Variants in PYGB observed in about 807,000 individuals in gnomAD.
PYGB encodes the protein glycogen phosphorylase, brain form.
In PYGB, 82 loss-of-function variants were observed where a neutral mutation model predicts 94.3. The observed-to-expected ratio is 0.87, with a 90% CI of 0.73 to 1.04. The LOEUF is 1.04. Among genes scored for constraint, PYGB ranks in the 50% least tolerant of loss-of-function variants. The pLI is 0.00. For synonymous variants in PYGB, 488 were observed against 479.1 expected, an observed-to-expected ratio of 1.02 and a Z score of -0.24; for missense variants, 1,132 against 1,158.2, an observed-to-expected ratio of 0.98 and a Z score of 0.33.
chr20:25,294,890 C>T, intron 18 of PYGB: 1 of 1,499,658 alleles, frequency 6.7e-7, no homozygotes, highest in Non-Finnish European at 9.3e-7. Context: ...GGGAATTCAC[C>T]TGCCCTCCAC....
chr20:25,296,299 C>G, intron 19 of PYGB, 71 bp from the exon 20 acceptor site: 4 of 1,572,146 alleles, frequency 2.5e-6, no homozygotes, highest in Non-Finnish European at 3.5e-6. Context: ...TCCTAAAGTT[C>G]TGGAATCCCA....
intron 2 of PYGB, among the ~76,000 whole-genome samples, chr20:25,261,291 G>C (rs1311839045): frequency 6.6e-6 from 1 of 152,220 alleles, no homozygotes; most frequent in Admixed American, 6.5e-5. Context: ...GCTTCCAGAG[G>C]AACGATCAGG....
In PYGB at chr20:25,297,054, G is replaced by A. The variant is rs199560060; in HGVS notation, c.*532G>A. ...GGAGGGGTCGGATCCTCTAGGCATCGCCTTCACAGCCCCCTGCCCCCTGCC... is the reference window on the plus strand; with the variant it reads ...GGAGGGGTCGGATCCTCTAGGCATCACCTTCACAGCCCCCTGCCCCCTGCC... On this transcript the variant is annotated 3_prime_UTR_variant, in exon 20 of 20. Transcript: ENST00000216962. 1.9e-5 allele frequency: 3 copies of A among 161,278 alleles called. No individual in the cohort carries two copies. Among genetic ancestry groups the A allele is most frequent in the Middle Eastern group, 3.0e-3 (1 of 332 alleles). The allele number at this position is 161,278 out of a possible 1,614,324, so 10.0% of individuals were successfully genotyped here.
chr20:25,252,838 C>G (rs1384443412), intron 1 of PYGB, among the ~76,000 whole-genome samples: 1 of 152,190 alleles, frequency 6.6e-6, no homozygotes, highest in African/African-American at 2.4e-5. Context: ...TGAGCTCAGC[C>G]TTTAGCCCCT....
chr20:25,250,096 G>A (rs181245620), intron 1 of PYGB, among the ~76,000 whole-genome samples: 1 of 152,232 alleles, frequency 6.6e-6, no homozygotes, highest in Admixed American at 6.5e-5. Flanking sequence ...TGATCCGCCC[G>A]CCTCGGCCTC....
chr20:25,296,390 G>A lies in PYGB; in HGVS notation c.2400G>A (p.Lys800=), dbSNP rs748035354. The change falls in exon 20 of 20, where the codon AAG becomes AAA. Residue 800 remains lysine, a synonymous_variant. Coordinates refer to ENST00000216962, the MANE Select transcript of PYGB (RefSeq NM_002862.4). ...TGCAGAACCCCAAGGAGTGGACCAAGAAGGTCATCAGGAACATCGCCTGCT... is the reference window on the plus strand; with the variant it reads ...TGCAGAACCCCAAGGAGTGGACCAAAAAGGTCATCAGGAACATCGCCTGCT... The part of the protein sequence containing the change: ...QLYRNPKEWT[K]KVIRNIACSG... 1 of 1,614,086 alleles carries A rather than the reference G, an allele frequency of 6.2e-7. No individual in the cohort carries two copies. The highest frequency in any genetic ancestry group is 1.1e-5 in the South Asian group (1 of 91,088).
intron 2 of PYGB, among the ~76,000 whole-genome samples, chr20:25,267,624 G>C (rs1466695309): frequency 6.6e-6 from 1 of 152,084 alleles, no homozygotes; most frequent in Non-Finnish European, 1.5e-5. Context: ...TCAACCTCCC[G>C]GGCTCAAGCC....
rs780270911 is a variant in PYGB at position 25,282,042 on chromosome 20, T to G, written c.1413T>G (p.Asp471Glu). Residue 471 changes from aspartate to glutamate, a missense_variant, in exon 12 of 20, where the codon GAT becomes GAG. Coordinates refer to ENST00000216962, the MANE Select transcript of PYGB (RefSeq NM_002862.4). ...SEIVKQSVFK[D>E]FYELEPEKFQ... is the part of the protein sequence containing the mutation. ...TTCTCTGTGTTTGCAGCTTTAAGGATTTTTATGAACTGGAGCCAGAGAAGT... is the reference window on the plus strand; with the variant it reads ...TTCTCTGTGTTTGCAGCTTTAAGGAGTTTTATGAACTGGAGCCAGAGAAGT... The G allele has an allele frequency of 8.7e-6, 14 of 1,612,804 alleles. No homozygotes were observed. The East Asian group carries it at 3.1e-4, about 36-fold the overall frequency.
chr20:25,266,034 A>ATG (rs1461995867), intron 2 of PYGB, among the ~76,000 whole-genome samples: 1 of 152,076 alleles, frequency 6.6e-6, no homozygotes, highest in Non-Finnish European at 1.5e-5. Flanking sequence ...CTCTATATAT[A>ATG]AAGATGAGGT....
intron 2 of PYGB, among the ~76,000 whole-genome samples, chr20:25,259,770 C>T (rs2092909629): frequency 2.0e-5 from 3 of 152,328 alleles, no homozygotes; most frequent in East Asian, 3.9e-4. Context: ...ACTATTTCTC[C>T]CCTAAAAACA....
At chr20:25,295,342 G>C (rs2088524781) in intron 18 of PYGB, among the ~76,000 whole-genome samples, 1 of 152,264 alleles carries the variant, frequency 6.6e-6, no homozygotes, top group East Asian at 1.9e-4. Flanking sequence ...CGTTTTAAAT[G>C]CCAGTTTATT....
chr20:25,266,851 G>C (rs2088222645), intron 2 of PYGB, among the ~76,000 whole-genome samples: 1 of 152,230 alleles, frequency 6.6e-6, no homozygotes. Flanking sequence ...CATAAACACA[G>C]AGAACAAGTG....
intron 18 of PYGB, 57 bp downstream of exon 18, chr20:25,294,349 T>G (rs1356554422): frequency 1.5e-5 from 23 of 1,503,010 alleles, no homozygotes; most frequent in Non-Finnish European, 1.8e-5. Flanking sequence ...GGAGGGGTCC[T>G]CTTCGTGGGT....
In PYGB at chr20:25,290,673, G is replaced by A. The variant is rs140192342; in HGVS notation, c.1969+51G>A. 260 of 1,583,488 alleles carry A rather than the reference G, an allele frequency of 1.6e-4. No individual in the cohort carries two copies. The African/African-American group carries it at 2.9e-3, about 17-fold the overall frequency. ...AGAAAACTCACTCCTGCCGGGGAAC[G>A]GGCGTTGTACTGGCCCCGGGCCTTT... On this transcript the variant is annotated intron_variant, in intron 16 of 19. Transcript: ENST00000216962.
intron 2 of PYGB, 60 bp from the exon 3 acceptor site, chr20:25,269,069 C>T (rs372865656): frequency 1.1e-5 from 15 of 1,386,818 alleles, no homozygotes; most frequent in Middle Eastern, 1.8e-4. Flanking sequence ...ATCTTTCAGC[C>T]TGTCATTCAA....
At chr20:25,280,452 C>T (rs1406219823) in intron 10 of PYGB, 40 bp downstream of exon 10, 6 of 1,604,168 alleles carry the variant, frequency 3.7e-6, no homozygotes, top group Non-Finnish European at 3.4e-6. Flanking sequence ...GTGGCGGCTA[C>T]ACCCATGCCA....
At chr20:25,248,538 G>T in intron 1 of PYGB, 117 bp downstream of exon 1, 1 of 1,204,860 alleles carries the variant, frequency 8.3e-7, no homozygotes, top group Non-Finnish European at 1.0e-6. Context: ...GCCCCTAGCC[G>T]GCCGGCGGCC....
At chr20:25,264,739 A>G (rs886228475) in intron 2 of PYGB, among the ~76,000 whole-genome samples, 2 of 152,228 alleles carry the variant, frequency 1.3e-5, no homozygotes, top group South Asian at 4.1e-4. Flanking sequence ...GGACCTCTTC[A>G]AGGAGAACTA....
At chr20:25,283,012 G>A (rs2145126) in intron 12 of PYGB, among the ~76,000 whole-genome samples, 164 bp from the exon 13 acceptor site, 68,596 of 151,928 alleles carry the variant, frequency 0.45, 16,107 homozygotes, top group East Asian at 0.92. Flanking sequence ...AGGGGCTGCT[G>A]GGGTAACCCT....
Sources: allele counts gnomAD v4.1 joint callset (sites outside exome capture counted in the v4.1 genomes callset), GRCh38; gene constraint gnomAD v4.1.1; transcripts MANE v1.5; gene names NCBI Gene and HGNC (gene_info 2026-07-23, HGNC 2026-07-21).